The following LETM2 variants were observed in gnomAD, a reference collection of about 807,000 sequenced individuals.
The protein encoded by LETM2 is LETM1 domain-containing protein LETM2, mitochondrial.
LETM2 carries 58 observed loss-of-function variants against 59.6 expected under a neutral mutation model. The observed-to-expected ratio is 0.97, with a 90% CI of 0.79 to 1.21. LETM2 has a LOEUF of 1.21. Ranked by LOEUF, LETM2 falls within the 50% of genes most tolerant of loss-of-function variation. The pLI is 0.00. For synonymous variants in LETM2, 199 were observed against 214.1 expected (o/e 0.93, Z 0.62); for missense variants, 572 against 575.7 (o/e 0.99, Z 0.07).
intron 8 of LETM2, 175 bp downstream of exon 8, chr8:38,404,681 C>CA: frequency 1.7e-6 from 1 of 576,210 alleles, no homozygotes; most frequent in East Asian, 3.0e-5. Context: ...CAACCACAAA[C>CA]AAACAAAACA....
At chr8:38,404,217 A>T in intron 7 of LETM2, 176 bp from the exon 8 acceptor site, 1 of 561,880 alleles carries the variant, frequency 1.8e-6, no homozygotes, top group Admixed American at 3.2e-5. Context: ...GTGCCCCCTC[A>T]GTGCAGAAGC....
chr8:38,407,382 G>C lies in LETM2; in HGVS notation c.1332G>C (p.Pro444=). 6.2e-7 allele frequency: 1 copy of C among 1,612,608 alleles called. No individual in the cohort carries two copies. Among genetic ancestry groups the C allele is most frequent in the Non-Finnish European group, 8.5e-7 (1 of 1,178,814 alleles). The part of the protein sequence containing the change: ...KGTKDEDFIQ[P]PPVTSSPITP... ...TTAAGGATGAAGACTTTATACAGCC[G>C]CCACCAGTTACATCATCACCCATAA... The change falls in exon 10 of 11, where the codon CCG becomes CCC. Residue 444 remains proline (P), a synonymous_variant. Coordinates refer to ENST00000379957, the MANE Select transcript of LETM2 (RefSeq NM_001286819.2).
Position 38,408,255 on chromosome 8 carries a change from C to G in LETM2, c.1457C>G (p.Ala486Gly). The G allele has an allele frequency of 6.2e-7, 1 of 1,612,996 alleles. No homozygotes were observed. Among genetic ancestry groups the G allele is most frequent in the Non-Finnish European group, 8.5e-7 (1 of 1,179,566 alleles). ...CAAATGACGGCCCAGAACAGCAAGG[C>G]TAGTTCAAAAGGAGCATAAAGGACT... Reference protein sequence around the residue: ...KSQMTAQNSKASSKGA With the variant: ...KSQMTAQNSKGSSKGA The change falls in exon 11 of 11, where the codon GCT (alanine) becomes GGT (glycine). Residue 486 changes from alanine to glycine, a missense_variant. By Grantham distance (60) the Ala-to-Gly change is moderately conservative (BLOSUM62 0). Coordinates refer to ENST00000379957, the MANE Select transcript of LETM2 (RefSeq NM_001286819.2).
rs748638550 is a variant in LETM2, at chr8:38,401,002, G to A, written c.933G>A (p.Leu311=). The part of the protein sequence containing the change: ...LELQTFGTNN[L]LRFQLLMKLK... ...TGCAGACATTTGGAACCAACAACCT[G>A]CTCCGCTTTCAGCTCCTGATGAAAC... The change falls in exon 6 of 11, where the codon CTG becomes CTA. Residue 311 remains leucine (L), a synonymous_variant. Coordinates refer to ENST00000379957, the MANE Select transcript of LETM2 (RefSeq NM_001286819.2). 1.2e-6 allele frequency: 2 copies of A among 1,614,094 alleles called. No homozygotes were observed. Among genetic ancestry groups the A allele is most frequent in the Admixed American group, 1.7e-5 (1 of 60,026 alleles).
At chr8:38,384,431 T>C (rs139088077), upstream of LETM2, among the ~76,000 whole-genome samples, 11 of 152,346 alleles carry the variant, frequency 7.2e-5, no homozygotes, top group East Asian at 2.1e-3. Context: ...AAAATAATAG[T>C]TTACATTTTC....
At chr8:38,399,005 G>A (rs1022488486) in intron 4 of LETM2, among the ~76,000 whole-genome samples, 7 of 151,856 alleles carry the variant, frequency 4.6e-5, no homozygotes, top group Non-Finnish European at 7.4e-5. Flanking sequence ...ACAGGTGTGA[G>A]CCACCTCATC....
chr8:38,393,243 C>T, intron 3 of LETM2: 1 of 426,262 alleles, frequency 2.3e-6, no homozygotes, highest in South Asian at 3.5e-5. Context: ...TTCAGGGGTA[C>T]ATGTGCATGT....
chr8:38,393,947 G>A, intron 3 of LETM2, 151 bp from the exon 4 acceptor site: 1 of 549,408 alleles, frequency 1.8e-6, no homozygotes, highest in East Asian at 3.2e-5. Flanking sequence ...GTGAGCCCAG[G>A]AGTTTGAGGC....
At position 38,389,603 on chromosome 8, in the gene LETM2, G is replaced by T. The variant is rs1490528569; in HGVS notation, c.47+1573G>T. Reference sequence around the variant, plus strand: ...GGCCATTCAAAGAGCGTTTTATCTTGGCATGCTTCAAAAATAGTCTGAGGC... The same window carrying T: ...GGCCATTCAAAGAGCGTTTTATCTTTGCATGCTTCAAAAATAGTCTGAGGC... On this transcript the variant is annotated intron_variant, in intron 2 of 10. Transcript: ENST00000379957. 3.3e-5 allele frequency among the ~76,000 whole-genome samples: 5 copies of T among 151,964 alleles called. No individual in the cohort carries two copies. The East Asian group carries it at 9.6e-4, about 29-fold the overall frequency.
chr8:38,398,999 G>A (rs1168332311), intron 4 of LETM2, among the ~76,000 whole-genome samples: 2 of 151,922 alleles, frequency 1.3e-5, no homozygotes, highest in African/African-American at 4.8e-5. Context: ...GGGATTACAG[G>A]TGTGAGCCAC....
chr8:38,395,989 G>A (rs1030633956), intron 4 of LETM2, among the ~76,000 whole-genome samples: 2 of 151,970 alleles, frequency 1.3e-5, no homozygotes, highest in Non-Finnish European at 2.9e-5. Flanking sequence ...ATGCTTTCAG[G>A]ATTAATGACA....
chr8:38,405,371 T>A (rs1474889629), intron 8 of LETM2, among the ~76,000 whole-genome samples: 1 of 152,216 alleles, frequency 6.6e-6, no homozygotes, highest in Non-Finnish European at 1.5e-5. Flanking sequence ...GGTGGCTTCC[T>A]GTCTGACTCA....
intron 8 of LETM2, among the ~76,000 whole-genome samples, chr8:38,405,982 G>GT (rs1168623825): frequency 1.3e-5 from 2 of 152,150 alleles, no homozygotes; most frequent in Non-Finnish European, 2.9e-5. Flanking sequence ...ATGAGAACAA[G>GT]TAGCATGCTA....
Position 38,402,630 on chromosome 8 carries a change from C to T in LETM2, c.1090C>T (p.Gln364Ter). 1 of 1,614,116 alleles carries T rather than the reference C, an allele frequency of 6.2e-7. No individual in the cohort carries two copies. Among genetic ancestry groups the T allele is most frequent in the Non-Finnish European group, 8.5e-7 (1 of 1,179,994 alleles). The change falls in exon 7 of 11, where the codon CAA becomes TAA. Residue 364 changes from glutamine to a stop codon, truncating the protein, a stop_gained. Transcript: ENST00000379957. LOFTEE classifies it high-confidence loss of function. ...GGGTCTCACGGAGGAACAACTGCGA[C>T]AACAGCTCACGGAGGCAAGTAGCAG... ...SLGLTEEQLR[Q>*]QLTEWQDLHL...
chr8:38,409,060 T>C lies in LETM2; in HGVS notation c.*786T>C, dbSNP rs925017238. ...CAAATAAGACTATTAGTCATAGGGA[T>C]TGTGAAAGTCTGATATAATCCCTGT... is the stretch of plus-strand genomic sequence containing the variant. On this transcript the variant is annotated 3_prime_UTR_variant, in exon 11 of 11. Transcript: ENST00000379957. 6.6e-6 allele frequency: 1 copy of C among 152,212 alleles called. No homozygotes were observed. The highest frequency in any genetic ancestry group is 1.5e-5 in the Non-Finnish European group (1 of 68,048). 9.4% of individuals were successfully genotyped at this position (152,212 alleles called of 1,614,324 possible).
intron 4 of LETM2, 56 bp downstream of exon 4, chr8:38,394,297 G>T: frequency 9.1e-7 from 1 of 1,100,698 alleles, no homozygotes; most frequent in Non-Finnish European, 1.2e-6. Flanking sequence ...GAGTTTTTAG[G>T]TTTACAGAAA....
intron 9 of LETM2, 148 bp from the exon 10 acceptor site, chr8:38,407,214 G>A (rs894214959): frequency 9.3e-6 from 7 of 749,528 alleles, no homozygotes; most frequent in African/African-American, 5.3e-5. Context: ...TTGGCTACAC[G>A]TAATTAGGTT....
At chr8:38,407,173 G>A in intron 9 of LETM2, 135 bp downstream of exon 9, 6 of 723,880 alleles carry the variant, frequency 8.3e-6, no homozygotes, top group Non-Finnish European at 1.2e-5. Context: ...AATATTTATT[G>A]TACTGTTTGA....
chr8:38,391,773 C>A (rs1321535370), intron 2 of LETM2, among the ~76,000 whole-genome samples: 1 of 151,544 alleles, frequency 6.6e-6, no homozygotes, highest in East Asian at 1.9e-4. Flanking sequence ...CTCACTGCAA[C>A]CTTCACCTCC....
Sources: allele counts gnomAD v4.1 joint callset (sites outside exome capture counted in the v4.1 genomes callset), GRCh38; gene constraint gnomAD v4.1.1; transcripts MANE v1.5; gene names NCBI Gene and HGNC (gene_info 2026-07-23, HGNC 2026-07-21).